ADAMTS17: variants seen among roughly 807,000 people sequenced by gnomAD.
ADAMTS17 encodes the protein ADAM metallopeptidase with thrombospondin type 1 motif 17.
A neutral mutation model predicts 141.5 loss-of-function variants in ADAMTS17; 113 were observed. The observed-to-expected ratio is 0.80, with a 90% CI of 0.69 to 0.93. ADAMTS17 has a LOEUF of 0.93. Among genes scored for constraint, ADAMTS17 ranks in the 40% least tolerant of loss-of-function variants. ADAMTS17 has a pLI of 0.00. For synonymous variants in ADAMTS17, 768 were observed against 630.6 expected (o/e 1.22, Z -3.27); for missense variants, 1,659 against 1,517.9 (o/e 1.09, Z -1.54).
At chr15:100,158,531 G>C (rs1223159312) in intron 8 of ADAMTS17, among the ~76,000 whole-genome samples, 1 of 152,168 alleles carries the variant, frequency 6.6e-6, no homozygotes, top group Admixed American at 6.5e-5. Flanking sequence ...TTGCAATGCT[G>C]TTCAGCAGCT....
chr15:100,316,887 C>T (rs955099256), intron 3 of ADAMTS17, among the ~76,000 whole-genome samples: 1 of 152,250 alleles, frequency 6.6e-6, no homozygotes, highest in Admixed American at 6.5e-5. Context: ...CTGCCCAAGG[C>T]CACTAGGCCC....
chr15:100,203,201 T>C (rs1472707602), intron 7 of ADAMTS17, among the ~76,000 whole-genome samples: 1 of 152,120 alleles, frequency 6.6e-6, no homozygotes, highest in Admixed American at 6.5e-5. Context: ...GTGTCCTAAA[T>C]GGTGGCTCAC....
At chr15:100,262,315 T>A in intron 5 of ADAMTS17, 37 bp downstream of exon 5, 1 of 1,595,112 alleles carries the variant, frequency 6.3e-7, no homozygotes, top group Non-Finnish European at 8.6e-7. Flanking sequence ...CCCAGCCACA[T>A]TTTCTGCTTG....
chr15:100,145,324 C>T (rs1354559939), intron 10 of ADAMTS17, among the ~76,000 whole-genome samples: 1 of 152,178 alleles, frequency 6.6e-6, no homozygotes, highest in African/African-American at 2.4e-5. Flanking sequence ...AGAACAGAGT[C>T]CTCCAAATTT....
chr15:100,271,077 G>A (rs61003403), intron 4 of ADAMTS17, among the ~76,000 whole-genome samples: 1 of 151,964 alleles, frequency 6.6e-6, no homozygotes, highest in African/African-American at 2.4e-5. Context: ...TGTCAGAATT[G>A]TTTTCCTTTT....
At chr15:100,066,686 C>T (rs1319613945) in intron 15 of ADAMTS17, among the ~76,000 whole-genome samples, 1 of 152,194 alleles carries the variant, frequency 6.6e-6, no homozygotes, top group Non-Finnish European at 1.5e-5. Context: ...ACTGTCTTCC[C>T]TTATGATACA....
At position 100,209,997 on chromosome 15, in the gene ADAMTS17, G is replaced by T. The variant is rs2041738873; in HGVS notation, c.1076-10574C>A. Among the ~76,000 whole-genome samples, 3 of 152,142 alleles carry T rather than the reference G, an allele frequency of 2.0e-5. No homozygotes were observed. In the East Asian group the frequency reaches 5.8e-4, roughly 29 times the overall value. ...TCCAGGTTGCCTCTATGCCTCTGTGGTGGTCCGCGGGCAGATCATGAGGTC... is the reference window on the plus strand; with the variant it reads ...TCCAGGTTGCCTCTATGCCTCTGTGTTGGTCCGCGGGCAGATCATGAGGTC... On this transcript the variant is annotated intron_variant, in intron 7 of 21. Coordinates refer to ENST00000268070, the MANE Select transcript of ADAMTS17 (RefSeq NM_139057.4).
At chr15:100,024,883 G>A (rs528479777) in intron 18 of ADAMTS17, among the ~76,000 whole-genome samples, 34 of 152,278 alleles carry the variant, frequency 2.2e-4, no homozygotes, top group African/African-American at 8.2e-4. Context: ...GTTGCAATGT[G>A]ACCTGCTTCA....
At chr15:100,243,292 G>A (rs1345404076) in intron 7 of ADAMTS17, among the ~76,000 whole-genome samples, 1 of 152,198 alleles carries the variant, frequency 6.6e-6, no homozygotes, top group Admixed American at 6.5e-5. Context: ...TATGAAGATG[G>A]ATGTACAAAT....
chr15:100,144,622 G>A (rs965584960), intron 10 of ADAMTS17, among the ~76,000 whole-genome samples: 5 of 151,978 alleles, frequency 3.3e-5, no homozygotes, highest in East Asian at 3.9e-4. Context: ...GTGGTTTACC[G>A]GCAACATTCA....
intron 8 of ADAMTS17, among the ~76,000 whole-genome samples, chr15:100,160,400 C>T (rs1476126267): frequency 6.6e-6 from 1 of 152,190 alleles, no homozygotes; most frequent in Non-Finnish European, 1.5e-5. Context: ...ATGGATGTTG[C>T]TTGGAAAACC....
chr15:100,067,090 C>G (rs1051635372), intron 15 of ADAMTS17, among the ~76,000 whole-genome samples: 1 of 152,040 alleles, frequency 6.6e-6, no homozygotes, highest in Non-Finnish European at 1.5e-5. Flanking sequence ...TTTCCGCTGT[C>G]TTCCCTTATG....
intron 7 of ADAMTS17, among the ~76,000 whole-genome samples, chr15:100,212,525 G>A (rs1236306400): frequency 6.6e-6 from 1 of 152,042 alleles, no homozygotes; most frequent in Admixed American, 6.6e-5. Flanking sequence ...AATTTCCAAA[G>A]GGATCCATAA....
chr15:100,232,864 G>T (rs1050041934), intron 7 of ADAMTS17, among the ~76,000 whole-genome samples: 1 of 152,182 alleles, frequency 6.6e-6, no homozygotes, highest in African/African-American at 2.4e-5. Flanking sequence ...ACTGCAGCAG[G>T]TCTCACAGGC....
chr15:100,043,140 G>A (rs2031397974), intron 18 of ADAMTS17, among the ~76,000 whole-genome samples: 1 of 152,154 alleles, frequency 6.6e-6, no homozygotes, highest in African/African-American at 2.4e-5. Flanking sequence ...AAAAGTACAA[G>A]GTCAGATGGT....
intron 3 of ADAMTS17, among the ~76,000 whole-genome samples, chr15:100,284,185 A>G (rs1357673317): frequency 6.6e-6 from 1 of 152,256 alleles, no homozygotes; most frequent in Non-Finnish European, 1.5e-5. Flanking sequence ...AAAAACTTAT[A>G]AGACCTGTGC....
In ADAMTS17 at chr15:99,997,465, G is replaced by A; in HGVS notation, c.2716C>T (p.Pro906Ser). ...TGCACTGCCGCCGGCCGGGGGCCCGGGCAGTAGAGGGGCCGCGTAGCGACG... is the reference window on the plus strand; with the variant it reads ...TGCACTGCCGCCGGCCGGGGGCCCGAGCAGTAGAGGGGCCGCGTAGCGACG... Reference protein sequence around the residue: ...THVATRPLYCPGPRPAAVQSC... With the variant: ...THVATRPLYCSGPRPAAVQSC... Residue 906 changes from proline to serine, a missense_variant, in exon 19 of 22, where the codon CCG (proline) becomes TCG (serine). Pro to Ser is a moderately conservative substitution (Grantham distance 74). Transcript: ENST00000268070. The surrounding 1 kb of genome is among the most constrained non-coding windows in gnomAD (Gnocchi z 4.7). 6.2e-7 allele frequency: 1 copy of A among 1,613,574 alleles called. No individual in the cohort carries two copies. The highest frequency in any genetic ancestry group is 8.5e-7 in the Non-Finnish European group (1 of 1,179,972).
chr15:100,173,175 T>C (rs1245674324), intron 8 of ADAMTS17, among the ~76,000 whole-genome samples: 1 of 152,186 alleles, frequency 6.6e-6, no homozygotes, highest in Non-Finnish European at 1.5e-5. Flanking sequence ...TTTTCTAAGA[T>C]AGTTTAATTA....
At chr15:100,082,519 G>C (rs911972323) in intron 15 of ADAMTS17, among the ~76,000 whole-genome samples, 1 of 151,856 alleles carries the variant, frequency 6.6e-6, no homozygotes, top group Admixed American at 6.6e-5. Flanking sequence ...CTGAGTAGTG[G>C]GGACTTCAGG....
Sources: gnomAD v4.1 joint callset for allele counts (sites outside exome capture counted in the v4.1 genomes callset) on GRCh38, gnomAD v4.1.1 for gene constraint, Gnocchi (gnomAD v3.1) non-coding constraint, MANE v1.5 for transcripts, NCBI Gene and HGNC (gene_info 2026-07-23, HGNC 2026-07-21) for gene names.